The following LGSN variants were observed in gnomAD, a reference collection of about 807,000 sequenced individuals.
The protein encoded by LGSN is lengsin.
A neutral mutation model predicts 19.5 loss-of-function variants in LGSN; 21 were observed. The ratio of observed to expected loss-of-function variants is 1.07; its 90% CI spans 0.76 to 1.55. The LOEUF (loss-of-function observed/expected upper bound fraction) is 1.55, where lower values mean the gene tolerates loss of function less well. Ranked by LOEUF, LGSN falls within the 40% of genes most tolerant of loss-of-function variation. The pLI is 0.00. For synonymous variants in LGSN, 257 were observed against 215.6 expected (o/e 1.19, Z -1.68); for missense variants, 673 against 608.5 (o/e 1.11, Z -1.12).
At chr6:63,511,540 G>A in the LGSN span, among the ~76,000 whole-genome samples, 1 of 152,294 alleles carries the variant, frequency 6.6e-6, no homozygotes, top group Admixed American at 6.5e-5. Flanking sequence ...ACAGGCATGA[G>A]CCACCGCACC....
the LGSN span, among the ~76,000 whole-genome samples, chr6:63,468,573 G>A: frequency 7.2e-5 from 10 of 138,834 alleles, no homozygotes; most frequent in Non-Finnish European, 1.4e-4. Flanking sequence ...GATTACAGGT[G>A]CGTGCCACCA....
At chr6:63,438,376 C>A in the LGSN span, among the ~76,000 whole-genome samples, 1 of 152,280 alleles carries the variant, frequency 6.6e-6, no homozygotes, top group South Asian at 2.1e-4. Flanking sequence ...AACTAAAGAG[C>A]TTCTGCACAG....
chr6:63,496,798 C>T, the LGSN span, among the ~76,000 whole-genome samples: 1 of 151,794 alleles, frequency 6.6e-6, no homozygotes, highest in African/African-American at 2.4e-5. Flanking sequence ...TACTATCATC[C>T]CTACTTTATA....
chr6:63,340,481 C>T, the LGSN span, among the ~76,000 whole-genome samples: 1 of 152,084 alleles, frequency 6.6e-6, no homozygotes, highest in Non-Finnish European at 1.5e-5. Context: ...GTTGTTTTGT[C>T]TGACTGGGTT....
chr6:63,368,835 T>C, the LGSN span, among the ~76,000 whole-genome samples: 1 of 152,208 alleles, frequency 6.6e-6, no homozygotes, highest in Non-Finnish European at 1.5e-5. Flanking sequence ...CATATTTGCA[T>C]ACAGAATGGA....
chr6:63,353,422 A>C, the LGSN span, among the ~76,000 whole-genome samples: 35 of 152,168 alleles, frequency 2.3e-4, no homozygotes, highest in African/African-American at 7.9e-4. Flanking sequence ...CAGATGTTTA[A>C]GACTCTCCCT....
chr6:63,424,074 T>C, the LGSN span, among the ~76,000 whole-genome samples: 1 of 151,648 alleles, frequency 6.6e-6, no homozygotes, highest in Non-Finnish European at 1.5e-5. Flanking sequence ...AAAAACTGAG[T>C]AAAATTCTAG....
chr6:63,462,348 T>C, the LGSN span, among the ~76,000 whole-genome samples: 1 of 152,086 alleles, frequency 6.6e-6, no homozygotes, highest in Non-Finnish European at 1.5e-5. Context: ...TTTACAAACA[T>C]ATGGCTGGAT....
the LGSN span, among the ~76,000 whole-genome samples, chr6:63,362,480 T>C: frequency 6.6e-6 from 1 of 152,086 alleles, no homozygotes; most frequent in East Asian, 1.9e-4. Flanking sequence ...ACCTGGAAAA[T>C]TGGCACACTC....
the LGSN span, among the ~76,000 whole-genome samples, chr6:63,329,116 T>C: frequency 3.0e-3 from 450 of 152,344 alleles, 3 homozygotes; most frequent in African/African-American, 0.01. Context: ...ACGAGGCTTC[T>C]GAACTGGTAG....
the LGSN span, among the ~76,000 whole-genome samples, chr6:63,358,525 T>C: frequency 6.6e-6 from 1 of 152,146 alleles, no homozygotes; most frequent in Non-Finnish European, 1.5e-5. Flanking sequence ...TGGTTTGTAG[T>C]TCTCCTTGAA....
At chr6:63,481,653 C>T in the LGSN span, 1 of 159,334 alleles carries the variant, frequency 6.3e-6, no homozygotes, top group African/African-American at 2.4e-5. Flanking sequence ...GCCCCAAAAG[C>T]TATTAAAATA....
the LGSN span, among the ~76,000 whole-genome samples, chr6:63,370,029 A>G: frequency 6.6e-6 from 1 of 152,124 alleles, no homozygotes; most frequent in Non-Finnish European, 1.5e-5. Flanking sequence ...AAGAAGGAGA[A>G]GGAGAAGAAG....
the LGSN span, among the ~76,000 whole-genome samples, chr6:63,360,163 G>A: frequency 2.0e-5 from 3 of 152,154 alleles, no homozygotes; most frequent in African/African-American, 7.2e-5. Flanking sequence ...TTCTTGAGGA[G>A]TATCTTTGTG....
the LGSN span, among the ~76,000 whole-genome samples, chr6:63,397,957 A>G: frequency 6.6e-6 from 1 of 152,054 alleles, no homozygotes; most frequent in Non-Finnish European, 1.5e-5. Flanking sequence ...AAAGAAAAAA[A>G]AGATTATAAT....
Position 63,298,176 on chromosome 6 carries a change from G to A in LGSN, c.31-3131C>T, listed in dbSNP as rs939417760. Among the ~76,000 whole-genome samples, 7 of 152,192 alleles carry A rather than the reference G, an allele frequency of 4.6e-5. 1 individual carries two copies. Among genetic ancestry groups the A allele is most frequent in the African/African-American group, 1.7e-4 (7 of 41,446 alleles). On this transcript the variant is annotated intron_variant, in intron 1 of 3. Transcript: ENST00000370657. ...GCTTCCAGCAACCCCCAGGAGCACTGAGTGATTAAGCAAGGTACACCAGCT... is the reference window on the plus strand; with the variant it reads ...GCTTCCAGCAACCCCCAGGAGCACTAAGTGATTAAGCAAGGTACACCAGCT...
the LGSN span, among the ~76,000 whole-genome samples, chr6:63,505,581 GAAA>G: frequency 1.3e-5 from 1 of 79,736 alleles, no homozygotes; most frequent in East Asian, 6.8e-4. Context: ...AAGAAAGAAA[GAAA>G]GAAAGAAAGA....
At chr6:63,412,691 G>T in the LGSN span, among the ~76,000 whole-genome samples, 1 of 112,214 alleles carries the variant, frequency 8.9e-6, no homozygotes, top group African/African-American at 3.8e-5. Flanking sequence ...GAAAGAAAGA[G>T]AAAGAAAGAA....
the LGSN span, among the ~76,000 whole-genome samples, chr6:63,501,326 C>A: frequency 6.7e-6 from 1 of 149,140 alleles, no homozygotes; most frequent in Non-Finnish European, 1.5e-5. Flanking sequence ...TGTACCATTG[C>A]ACTCTAGCCT....
Sources: allele counts gnomAD v4.1 joint callset (sites outside exome capture counted in the v4.1 genomes callset), GRCh38; gene constraint gnomAD v4.1.1; transcripts MANE v1.5; gene names NCBI Gene and HGNC (gene_info 2026-07-23, HGNC 2026-07-21).